The following SPAG16 variants were observed in gnomAD, a reference collection of about 807,000 sequenced individuals.
The protein encoded by SPAG16 is sperm-associated antigen 16 protein.
Under a neutral mutation model 80.4 loss-of-function variants are expected in SPAG16, and 86 were observed. The ratio of observed to expected loss-of-function variants is 1.07; its 90% CI spans 0.90 to 1.28. The LOEUF is 1.28. Ranked by LOEUF, SPAG16 falls within the 50% of genes most tolerant of loss-of-function variation. SPAG16 has a pLI of 0.00. For synonymous variants in SPAG16, 294 were observed against 265.9 expected (o/e 1.11, Z -1.03); for missense variants, 870 against 765.3 (o/e 1.14, Z -1.61).
chr2:214,352,154 G>T (rs1242712961), intron 15 of SPAG16, among the ~76,000 whole-genome samples: 2 of 152,046 alleles, frequency 1.3e-5, no homozygotes, highest in Non-Finnish European at 2.9e-5. Context: ...CCTCCCAAAG[G>T]TCCCACCTCT....
At chr2:213,460,885 T>C (rs1250791991) in intron 9 of SPAG16, among the ~76,000 whole-genome samples, 2 of 152,182 alleles carry the variant, frequency 1.3e-5, no homozygotes, top group Admixed American at 1.3e-4. Context: ...ACATACCACC[T>C]AGTGACTGAA....
At chr2:213,659,745 T>C (rs2063349919) in intron 10 of SPAG16, among the ~76,000 whole-genome samples, 1 of 152,190 alleles carries the variant, frequency 6.6e-6, no homozygotes, top group African/African-American at 2.4e-5. Flanking sequence ...AGTCAGTATT[T>C]TTTTTCCATT....
At chr2:213,856,939 A>C (rs2075197804) in intron 10 of SPAG16, among the ~76,000 whole-genome samples, 2 of 152,208 alleles carry the variant, frequency 1.3e-5, no homozygotes, top group South Asian at 4.1e-4. Flanking sequence ...CTAAACTAAA[A>C]AATCATCAGC....
intron 13 of SPAG16, among the ~76,000 whole-genome samples, chr2:214,079,790 C>A (rs1392874813): frequency 1.3e-5 from 2 of 152,158 alleles, no homozygotes; most frequent in African/African-American, 4.8e-5. Context: ...AGAGAAAAGA[C>A]ACTGACTTTT....
intron 5 of SPAG16, among the ~76,000 whole-genome samples, chr2:213,337,065 C>G (rs566031166): frequency 7.2e-5 from 11 of 152,198 alleles, no homozygotes; most frequent in African/African-American, 2.6e-4. Context: ...GGTGATACCT[C>G]CAGGGGTGGG....
chr2:213,595,357 C>T (rs1043951536), intron 10 of SPAG16, among the ~76,000 whole-genome samples: 3 of 152,004 alleles, frequency 2.0e-5, no homozygotes, highest in Non-Finnish European at 2.9e-5. Context: ...ATTTCTTTGG[C>T]TAAGTAGAAT....
chr2:214,403,460 A>G (rs993485906), intron 15 of SPAG16, among the ~76,000 whole-genome samples: 2 of 151,754 alleles, frequency 1.3e-5, no homozygotes, highest in Non-Finnish European at 1.5e-5. Context: ...TATGAAAATG[A>G]GTAATAGCCT....
chr2:214,262,375 T>C (rs1418677160), intron 15 of SPAG16, among the ~76,000 whole-genome samples: 1 of 152,036 alleles, frequency 6.6e-6, no homozygotes, highest in African/African-American at 2.4e-5. Flanking sequence ...ATAATTGATT[T>C]CAGCTTGATA....
intron 15 of SPAG16, among the ~76,000 whole-genome samples, chr2:214,391,141 G>A (rs550118103): frequency 9.9e-5 from 15 of 152,056 alleles, no homozygotes; most frequent in Non-Finnish European, 2.2e-4. Flanking sequence ...CAAACATACT[G>A]GGTATGAATC....
At chr2:213,426,868 C>T (rs2069962464) in intron 9 of SPAG16, among the ~76,000 whole-genome samples, 1 of 150,052 alleles carries the variant, frequency 6.7e-6, no homozygotes, top group Non-Finnish European at 1.5e-5. Flanking sequence ...CACACACACA[C>T]ACACACACAC....
At chr2:213,328,035 G>C (rs1418768702) in intron 5 of SPAG16, among the ~76,000 whole-genome samples, 1 of 152,054 alleles carries the variant, frequency 6.6e-6, no homozygotes, top group African/African-American at 2.4e-5. Context: ...AGGTTATATA[G>C]CTTGACAAGG....
At chr2:213,534,624 G>C (rs1416651052) in intron 10 of SPAG16, among the ~76,000 whole-genome samples, 1 of 151,970 alleles carries the variant, frequency 6.6e-6, no homozygotes, top group East Asian at 1.9e-4. Context: ...AAAGAAGCAA[G>C]ACCCAAAATA....
chr2:213,928,240 A>G (rs1166874786), intron 11 of SPAG16, among the ~76,000 whole-genome samples: 1 of 146,768 alleles, frequency 6.8e-6, no homozygotes, highest in Non-Finnish European at 1.5e-5. Flanking sequence ...ACACGCCACC[A>G]TGCCTGGCTA....
chr2:213,385,240 T>C (rs903904100), intron 9 of SPAG16, among the ~76,000 whole-genome samples: 5 of 152,216 alleles, frequency 3.3e-5, no homozygotes, highest in African/African-American at 9.6e-5. Flanking sequence ...TGTTGTGGAA[T>C]GTAGCATTGG....
chr2:213,649,420 T>C (rs978768491), intron 10 of SPAG16, among the ~76,000 whole-genome samples: 2 of 152,242 alleles, frequency 1.3e-5, no homozygotes, highest in Non-Finnish European at 2.9e-5. Flanking sequence ...TTGCAGTAGT[T>C]ATGAATTATT....
intron 8 of SPAG16, among the ~76,000 whole-genome samples, chr2:213,368,242 T>G (rs1189036120): frequency 6.6e-6 from 1 of 152,184 alleles, no homozygotes; most frequent in African/African-American, 2.4e-5. Flanking sequence ...GCTTTGTTCT[T>G]TTTGCTTAGG....
At chr2:214,371,165 G>C (rs2126088058) in intron 15 of SPAG16, among the ~76,000 whole-genome samples, 1 of 152,234 alleles carries the variant, frequency 6.6e-6, no homozygotes, top group East Asian at 1.9e-4. Context: ...TCTTCAGTGA[G>C]GTTGCTCTAA....
At chr2:213,705,429 G>C (rs2065704559) in intron 10 of SPAG16, among the ~76,000 whole-genome samples, 1 of 151,986 alleles carries the variant, frequency 6.6e-6, no homozygotes, top group Admixed American at 6.6e-5. Flanking sequence ...GGTTGCTAAA[G>C]TGGTTTTTTT....
chr2:214,055,131 C>T, intron 13 of SPAG16, among the ~76,000 whole-genome samples: 1 of 152,204 alleles, frequency 6.6e-6, no homozygotes. Flanking sequence ...CACCTCATTA[C>T]ATTTATTTTT....
Sources: gnomAD v4.1 joint callset for allele counts (sites outside exome capture counted in the v4.1 genomes callset) on GRCh38, gnomAD v4.1.1 for gene constraint, MANE v1.5 for transcripts, NCBI Gene and HGNC (gene_info 2026-07-23, HGNC 2026-07-21) for gene names.